COL25A1: variants seen among roughly 807,000 people sequenced by gnomAD.
The protein encoded by COL25A1 is collagen alpha-1(XXV) chain.
In COL25A1, 103 loss-of-function variants were observed where a neutral mutation model predicts 128.4. The observed-to-expected ratio is 0.80, with a 90% CI of 0.68 to 0.94. The LOEUF (loss-of-function observed/expected upper bound fraction) is 0.94, where lower values mean the gene tolerates loss of function less well. Among genes scored for constraint, COL25A1 ranks in the 40% least tolerant of loss-of-function variants. The pLI, the probability that COL25A1 is intolerant of heterozygous loss-of-function variation, is 0.00. For synonymous variants in COL25A1, 279 were observed against 277.2 expected, an observed-to-expected ratio of 1.01 and a Z score of -0.06; for missense variants, 745 against 840.0, an observed-to-expected ratio of 0.89 and a Z score of 1.40.
chr4:109,059,331 G>C (rs1004242739), intron 3 of COL25A1, among the ~76,000 whole-genome samples: 3 of 152,168 alleles, frequency 2.0e-5, no homozygotes, highest in African/African-American at 7.2e-5. Context: ...TATCCAGACA[G>C]CCTGACTCTT....
intron 8 of COL25A1, among the ~76,000 whole-genome samples, chr4:108,944,678 G>A (rs78848423): frequency 0.019 from 2,859 of 151,076 alleles, 46 homozygotes; most frequent in Non-Finnish European, 0.027. Flanking sequence ...CTATTTGATC[G>A]TATTTTCAAA....
intron 16 of COL25A1, among the ~76,000 whole-genome samples, chr4:108,893,012 C>G (rs1741696598): frequency 6.6e-6 from 1 of 152,118 alleles, no homozygotes; most frequent in African/African-American, 2.4e-5. Flanking sequence ...TGGGATAGGC[C>G]TTCAGGTGTG....
At chr4:109,213,926 A>G (rs114985281) in intron 3 of COL25A1, among the ~76,000 whole-genome samples, 95 of 152,268 alleles carry the variant, frequency 6.2e-4, no homozygotes, top group Non-Finnish European at 9.4e-4. Context: ...TATCACGTAG[A>G]TAGTAAAAAT....
chr4:108,826,016 C>T (rs1035681483), intron 33 of COL25A1, among the ~76,000 whole-genome samples: 6 of 152,064 alleles, frequency 3.9e-5, no homozygotes, highest in African/African-American at 1.4e-4. Context: ...ATTTTGAAAC[C>T]TATTTCAAAA....
chr4:109,175,481 A>G (rs1774003439), intron 3 of COL25A1, among the ~76,000 whole-genome samples: 1 of 152,236 alleles, frequency 6.6e-6, no homozygotes, highest in African/African-American at 2.4e-5. Context: ...CAGCATTCCA[A>G]TAAGAGTTCT....
At chr4:109,292,704 A>T (rs1724590419) in intron 3 of COL25A1, among the ~76,000 whole-genome samples, 1 of 152,076 alleles carries the variant, frequency 6.6e-6, no homozygotes, top group Non-Finnish European at 1.5e-5. Context: ...ACCACTTACC[A>T]GTTAGCATGT....
Position 109,128,479 on chromosome 4 carries a change from C to A in COL25A1, c.368-78300G>T, listed in dbSNP as rs115255190. ...TTCGAGCTCTTCCTCCTTTTTAGGT[C>A]AAACCAATGTAGCCTCCATGTATTG... On this transcript the variant is annotated intron_variant, in intron 3 of 37. Coordinates refer to ENST00000399132, the MANE Select transcript of COL25A1 (RefSeq NM_198721.4). Among the ~76,000 whole-genome samples, 1,116 of 152,262 alleles carry A rather than the reference C, an allele frequency of 7.3e-3. 8 individuals are homozygous for A. The highest frequency in any genetic ancestry group is 0.026 in the African/African-American group (1,068 of 41,558).
chr4:108,844,223 C>T (rs111270217), intron 30 of COL25A1, among the ~76,000 whole-genome samples: 1,675 of 152,166 alleles, frequency 0.011, 21 homozygotes, highest in African/African-American at 0.033. Context: ...GAGGAGTGGC[C>T]GGATAAAATG....
intron 13 of COL25A1, 125 bp from the exon 14 acceptor site, chr4:108,901,297 T>G (rs897365731): frequency 5.7e-6 from 4 of 705,702 alleles, no homozygotes; most frequent in Non-Finnish European, 7.2e-6. Flanking sequence ...GACTATTAGT[T>G]TAAATTCAAG....
At chr4:108,856,302 T>C (rs1326410008) in intron 24 of COL25A1, among the ~76,000 whole-genome samples, 2 of 152,180 alleles carry the variant, frequency 1.3e-5, no homozygotes, top group Admixed American at 6.5e-5. Flanking sequence ...ATAAATAGCT[T>C]ATGGCAATGT....
intron 3 of COL25A1, among the ~76,000 whole-genome samples, chr4:109,152,018 T>C (rs1305722514): frequency 6.6e-6 from 1 of 151,988 alleles, no homozygotes; most frequent in Non-Finnish European, 1.5e-5. Context: ...AGATGAAATG[T>C]ATGTGTTTAG....
chr4:109,087,020 A>C (rs1005447488), intron 3 of COL25A1, among the ~76,000 whole-genome samples: 3 of 152,200 alleles, frequency 2.0e-5, no homozygotes, highest in African/African-American at 7.2e-5. Flanking sequence ...GCTGTCACCT[A>C]GTCTGTGTGG....
At chr4:108,926,260 G>A (rs1158498403) in intron 11 of COL25A1, among the ~76,000 whole-genome samples, 3 of 152,052 alleles carry the variant, frequency 2.0e-5, no homozygotes, top group African/African-American at 4.8e-5. Context: ...TGTAGGGGGC[G>A]GACACAGTTC....
At position 108,852,280 on chromosome 4, in the gene COL25A1, C is replaced by A. The variant is rs774000401; in HGVS notation, c.1345G>T (p.Gly449Cys). 6.3e-6 allele frequency: 10 copies of A among 1,585,648 alleles called. No individual in the cohort carries two copies. The highest frequency in any genetic ancestry group is 4.7e-5 in the South Asian group (4 of 85,970). Residue 449 changes from glycine (G) to cysteine (C), a missense_variant and splice_region_variant, in exon 26 of 38, where the codon GGT becomes TGT. Gly to Cys is a radical substitution (Grantham distance 159). Around this residue, in one of 3 missense-constraint regions of COL25A1, gnomAD observed 387 missense variants for 441.9 expected, o/e 0.88. Coordinates refer to ENST00000399132, the MANE Select transcript of COL25A1 (RefSeq NM_198721.4). ...LQRITTLTVT[G>C]PPGPPGPQGL... is the part of the protein sequence containing the mutation. ...TGAGGTCCAGGAGGTCCAGGGGGAC[C>A]CTAAATCAAGAAAAAGCACAGTTTT...
At chr4:109,214,023 T>C (rs1273151393) in intron 3 of COL25A1, among the ~76,000 whole-genome samples, 1 of 152,056 alleles carries the variant, frequency 6.6e-6, no homozygotes, top group Non-Finnish European at 1.5e-5. Context: ...TCATCATAGA[T>C]TAGCCTCAAC....
chr4:109,240,828 G>C (rs1779851416), intron 3 of COL25A1, among the ~76,000 whole-genome samples: 1 of 152,062 alleles, frequency 6.6e-6, no homozygotes, highest in Non-Finnish European at 1.5e-5. Context: ...TAAGTTGTCT[G>C]TCCAGGAGTC....
chr4:109,218,355 G>GTTTTTT (rs1375312875), intron 3 of COL25A1, among the ~76,000 whole-genome samples: 1 of 78,428 alleles, frequency 1.3e-5, no homozygotes, highest in African/African-American at 5.8e-5. Context: ...TGGTTTTTTG[G>GTTTTTT]GGTTTTTTTT....
intron 35 of COL25A1, among the ~76,000 whole-genome samples, chr4:108,820,085 TG>T (rs1235720503): frequency 1.3e-5 from 2 of 152,134 alleles, no homozygotes; most frequent in Non-Finnish European, 2.9e-5. Flanking sequence ...CAGGGGCATG[TG>T]GGATTTTATT....
intron 3 of COL25A1, among the ~76,000 whole-genome samples, chr4:109,115,987 A>G (rs1284147322): frequency 1.3e-5 from 2 of 152,022 alleles, no homozygotes; most frequent in Non-Finnish European, 2.9e-5. Flanking sequence ...AACAGGACAA[A>G]TCACGGCTCC....
Sources: gnomAD v4.1 joint callset for allele counts (sites outside exome capture counted in the v4.1 genomes callset) on GRCh38, gnomAD v4.1.1 for gene constraint, gnomAD v4.1.1 regional missense constraint, MANE v1.5 for transcripts, NCBI Gene and HGNC (gene_info 2026-07-23, HGNC 2026-07-21) for gene names.